DSCAML1: variants seen among roughly 807,000 people sequenced by gnomAD.
The protein encoded by DSCAML1 is DS cell adhesion molecule like 1, also known as cell adhesion molecule DSCAML1.
In DSCAML1, 38 loss-of-function variants were observed where a neutral mutation model predicts 200.5. That is an observed-to-expected ratio of 0.19 (90% confidence interval 0.15 to 0.25). The LOEUF (loss-of-function observed/expected upper bound fraction) is 0.25, where lower values mean the gene tolerates loss of function less well. DSCAML1 is among the 10% of genes least tolerant of loss of function. DSCAML1 has a pLI of 1.00. For missense variants in DSCAML1, 2,223 were observed against 2,858.8 expected, an observed-to-expected ratio of 0.78 and a Z score of 5.07; for synonymous variants, 1,215 against 1,165.0, an observed-to-expected ratio of 1.04 and a Z score of -0.87.
intron 22 of DSCAML1, 116 bp downstream of exon 22, chr11:117,439,703 C>G: frequency 9.8e-7 from 1 of 1,019,840 alleles, no homozygotes; most frequent in Non-Finnish European, 1.5e-6. Context: ...AGGGCCTCTG[C>G]AGGCCTGGAG....
chr11:117,439,722 G>A (rs1409578303), intron 22 of DSCAML1, 97 bp downstream of exon 22: 2 of 1,208,958 alleles, frequency 1.7e-6, no homozygotes, highest in Non-Finnish European at 2.4e-6. Context: ...AGGCAACCGG[G>A]TCACCAGGCA....
At chr11:117,628,777 C>G (rs1001323269) in intron 3 of DSCAML1, among the ~76,000 whole-genome samples, 3 of 152,190 alleles carry the variant, frequency 2.0e-5, no homozygotes, top group African/African-American at 7.2e-5. Flanking sequence ...CATCTAGAAC[C>G]ATCTATCCAG....
intron 27 of DSCAML1, among the ~76,000 whole-genome samples, chr11:117,434,792 TCATC>T (rs572141989): frequency 9.9e-5 from 15 of 151,506 alleles, no homozygotes; most frequent in South Asian, 4.2e-4. Flanking sequence ...ATCCACCCAA[TCATC>T]CATCCATCCA....
chr11:117,576,660 A>G (rs2050937478), intron 3 of DSCAML1, among the ~76,000 whole-genome samples: 1 of 152,170 alleles, frequency 6.6e-6, no homozygotes, highest in African/African-American at 2.4e-5. Context: ...AATGCCTCAT[A>G]CAACAGAGTC....
Position 117,731,939 on chromosome 11 carries a change from T to C in DSCAML1, c.511+44852A>G, listed in dbSNP as rs191535577. Among the ~76,000 whole-genome samples, 209 of 152,260 alleles carry C rather than the reference T, an allele frequency of 1.4e-3. 1 individual carries two copies. The highest frequency in any genetic ancestry group is 2.3e-3 in the South Asian group (11 of 4,818). On this transcript the variant is annotated intron_variant, in intron 3 of 32. Coordinates refer to ENST00000651296, the MANE Select transcript of DSCAML1 (RefSeq NM_020693.4). ...TCTCAGCATGGGTGTCTCAGCATGG[T>C]CCACGCAAGATCAGGCTGGACAGAG...
chr11:117,779,436 C>T (rs1771646091), intron 2 of DSCAML1, among the ~76,000 whole-genome samples: 1 of 152,128 alleles, frequency 6.6e-6, no homozygotes, highest in African/African-American at 2.4e-5. Context: ...CCTCCACCTA[C>T]TCTTCCAAAG....
chr11:117,689,971 A>G (rs1305227072), intron 3 of DSCAML1, among the ~76,000 whole-genome samples: 2 of 152,196 alleles, frequency 1.3e-5, no homozygotes, highest in Admixed American at 1.3e-4. Context: ...GGATGGGGGA[A>G]GGGAAAAGAG....
intron 11 of DSCAML1, among the ~76,000 whole-genome samples, chr11:117,499,631 C>G (rs952570798): frequency 6.6e-6 from 1 of 152,218 alleles, no homozygotes; most frequent in Middle Eastern, 3.2e-3. Flanking sequence ...CTATTGCCTA[C>G]CAACCTCACA....
chr11:117,619,471 C>T (rs77083949), intron 3 of DSCAML1, among the ~76,000 whole-genome samples: 6,527 of 152,226 alleles, frequency 0.043, 189 homozygotes, highest in Non-Finnish European at 0.064. Flanking sequence ...ACTTGGTAAC[C>T]CTATAGACCA....
chr11:117,760,220 A>G (rs948875753), intron 3 of DSCAML1, among the ~76,000 whole-genome samples: 23 of 152,240 alleles, frequency 1.5e-4, no homozygotes, highest in African/African-American at 5.1e-4. Context: ...AAAATAATGG[A>G]AAGAGACCCA....
intron 8 of DSCAML1, among the ~76,000 whole-genome samples, chr11:117,507,075 C>T (rs898933289): frequency 6.6e-6 from 1 of 150,572 alleles, no homozygotes; most frequent in Non-Finnish European, 1.5e-5. Context: ...GATGGATCCT[C>T]CTTTCTCGGC....
chr11:117,457,553 G>A (rs2048396421), intron 19 of DSCAML1, among the ~76,000 whole-genome samples: 1 of 152,190 alleles, frequency 6.6e-6, no homozygotes, highest in African/African-American at 2.4e-5. Context: ...GCTGTCCCAG[G>A]AGGCCTTGAT....
intron 3 of DSCAML1, among the ~76,000 whole-genome samples, chr11:117,716,310 G>A (rs758901086): frequency 1.6e-4 from 25 of 152,214 alleles, no homozygotes; most frequent in Non-Finnish European, 3.1e-4. Flanking sequence ...AGCAAGTTAC[G>A]TTCCCTCTCT....
intron 3 of DSCAML1, among the ~76,000 whole-genome samples, chr11:117,652,085 C>T (rs1051180337): frequency 3.3e-5 from 5 of 152,324 alleles, no homozygotes; most frequent in South Asian, 2.1e-4. Flanking sequence ...GTTCGGAGAT[C>T]GCAAGGCTGA....
intron 3 of DSCAML1, among the ~76,000 whole-genome samples, chr11:117,651,498 G>A (rs2052630894): frequency 6.6e-6 from 1 of 151,864 alleles, no homozygotes; most frequent in Non-Finnish European, 1.5e-5. Context: ...GAGGTCAGGA[G>A]ATCGAGACCA....
chr11:117,781,345 C>A (rs2055258582), intron 1 of DSCAML1, among the ~76,000 whole-genome samples: 1 of 151,460 alleles, frequency 6.6e-6, no homozygotes, highest in African/African-American at 2.4e-5. Context: ...AAGAAAATCC[C>A]AGGATTTTTG....
chr11:117,547,878 G>C (rs2050404644), intron 3 of DSCAML1, among the ~76,000 whole-genome samples: 1 of 152,098 alleles, frequency 6.6e-6, no homozygotes, highest in Non-Finnish European at 1.5e-5. Context: ...AGCCACGCTG[G>C]TCCTCCGCTC....
At chr11:117,432,217 C>T (rs910848981) in intron 30 of DSCAML1, 135 bp downstream of exon 30, 1 of 1,059,028 alleles carries the variant, frequency 9.4e-7, no homozygotes. Flanking sequence ...GACGCTCATT[C>T]CAGTGCTTTC....
Position 117,428,257 on chromosome 11 carries a change from A to G in DSCAML1, c.*71T>C. On this transcript the variant is annotated 3_prime_UTR_variant, in exon 33 of 33. Transcript: ENST00000651296. ...TGTCAGTTGAATATAAATAATGCAG[A>G]AAAACAGCCGAGCTGGCGTGTGGGG... 1.1e-6 allele frequency: 1 copy of G among 908,018 alleles called. No homozygotes were observed. The highest frequency in any genetic ancestry group is 2.5e-5 in the East Asian group (1 of 40,038). 56.2% of individuals were successfully genotyped at this position (908,018 alleles called of 1,614,324 possible). A position where few individuals can be genotyped will look rare whatever the true frequency, so the allele number is the denominator to read the frequency against.
Sources: gnomAD v4.1 joint callset for allele counts (sites outside exome capture counted in the v4.1 genomes callset) on GRCh38, gnomAD v4.1.1 for gene constraint, MANE v1.5 for transcripts, NCBI Gene and HGNC (gene_info 2026-07-23, HGNC 2026-07-21) for gene names.